RBMS3: variants seen among roughly 807,000 people sequenced by gnomAD.
RBMS3 encodes the protein RNA-binding motif, single-stranded-interacting protein 3.
In RBMS3, 27 loss-of-function variants were observed where a neutral mutation model predicts 66.8. That is an observed-to-expected ratio of 0.40 (90% confidence interval 0.30 to 0.56). RBMS3 has a LOEUF of 0.56. RBMS3 is among the 20% of genes least tolerant of loss of function. The pLI is 0.40. For synonymous variants in RBMS3, 188 were observed against 183.0 expected, an observed-to-expected ratio of 1.03 and a Z score of -0.22; for missense variants, 513 against 549.5, an observed-to-expected ratio of 0.93 and a Z score of 0.66.
rs114590021 is a variant in RBMS3 at position 29,471,908 on chromosome 3, C to T, written c.249-16533C>T. 6.9e-3 allele frequency among the ~76,000 whole-genome samples: 1,047 copies of T among 151,998 alleles called. 13 individuals carry two copies. The highest frequency in any genetic ancestry group is 0.024 in the African/African-American group (1,001 of 41,458). On this transcript the variant is annotated intron_variant, in intron 2 of 14. Coordinates refer to ENST00000383767, the MANE Select transcript of RBMS3 (RefSeq NM_001003793.3). ...TCTAAATTTAAAAAGATTTTAGGAA[C>T]TTTAAACATAACAGTTAAATTTCCT...
intron 3 of RBMS3, among the ~76,000 whole-genome samples, chr3:29,508,332 C>T (rs2044265638): frequency 6.6e-6 from 1 of 152,116 alleles, no homozygotes; most frequent in South Asian, 2.1e-4. Context: ...GGTATTTCTC[C>T]TAATGCTATA....
intron 6 of RBMS3, among the ~76,000 whole-genome samples, chr3:29,861,670 A>T (rs907050025): frequency 1.3e-5 from 2 of 152,200 alleles, no homozygotes; most frequent in African/African-American, 4.8e-5. Flanking sequence ...TGATAAGCAA[A>T]ATCTTTGTCA....
chr3:29,755,570 G>A (rs1256329104), intron 5 of RBMS3, among the ~76,000 whole-genome samples: 1 of 152,208 alleles, frequency 6.6e-6, no homozygotes, highest in Non-Finnish European at 1.5e-5. Context: ...AGGAGCAACA[G>A]AGGGAAACGT....
At chr3:29,968,815 T>G (rs1354181100) in intron 12 of RBMS3, among the ~76,000 whole-genome samples, 1 of 152,222 alleles carries the variant, frequency 6.6e-6, no homozygotes, top group African/African-American at 2.4e-5. Context: ...AGTGCAAGCC[T>G]CCGCATGCTG....
intron 3 of RBMS3, among the ~76,000 whole-genome samples, chr3:29,535,745 GGTAAATAGCA>G (rs2045533274): frequency 3.8e-5 from 1 of 26,494 alleles, no homozygotes; most frequent in East Asian, 1.2e-3. Context: ...TTTTTTTGCT[GGTAAATAGCA>G]GTTAAATTGC....
At chr3:29,482,939 C>T (rs1436451641) in intron 2 of RBMS3, among the ~76,000 whole-genome samples, 3 of 151,590 alleles carry the variant, frequency 2.0e-5, no homozygotes, top group Non-Finnish European at 2.9e-5. Flanking sequence ...AACTCCTAAC[C>T]TCGTGATCTA....
intron 14 of RBMS3, among the ~76,000 whole-genome samples, chr3:29,994,856 C>A (rs574985669): frequency 9.2e-5 from 14 of 151,896 alleles, no homozygotes; most frequent in South Asian, 6.3e-4. Flanking sequence ...AACTCTAAAA[C>A]GCAGAGTGCC....
intron 6 of RBMS3, among the ~76,000 whole-genome samples, chr3:29,846,895 G>GT (rs1421713571): frequency 1.3e-5 from 2 of 152,036 alleles, no homozygotes; most frequent in African/African-American, 4.8e-5. Context: ...TATGTTGTGG[G>GT]TTTTTTTCTT....
At chr3:29,352,059 A>G (rs1236372536) in intron 1 of RBMS3, among the ~76,000 whole-genome samples, 1 of 151,932 alleles carries the variant, frequency 6.6e-6, no homozygotes, top group East Asian at 1.9e-4. Context: ...TTTTGGTTAT[A>G]TTTCTGAATT....
At chr3:29,936,664 T>A (rs2061272616) in intron 11 of RBMS3, among the ~76,000 whole-genome samples, 1 of 152,038 alleles carries the variant, frequency 6.6e-6, no homozygotes, top group Non-Finnish European at 1.5e-5. Flanking sequence ...GTTCTTTTAA[T>A]CCTTCTTTCT....
intron 3 of RBMS3, among the ~76,000 whole-genome samples, chr3:29,562,706 G>C (rs1340866364): frequency 8.5e-5 from 13 of 152,080 alleles, no homozygotes; most frequent in Non-Finnish European, 1.6e-4. Context: ...GGATCTGCCG[G>C]TATCACCTTT....
intron 1 of RBMS3, among the ~76,000 whole-genome samples, chr3:29,371,532 C>T (rs535483391): frequency 6.6e-6 from 1 of 152,130 alleles, no homozygotes; most frequent in Non-Finnish European, 1.5e-5. Flanking sequence ...GGACACCATG[C>T]ACCAATAACC....
Position 29,544,389 on chromosome 3 carries a change from G to GT in RBMS3, c.308-42716dup, listed in dbSNP as rs540506335. On this transcript the variant is annotated intron_variant, in intron 3 of 14. Transcript: ENST00000383767. ...CCTTCTTGAGAAGTCTTACAAATTTGTTTTTTTTTAGGAGATGTCAACCCA... is the reference window on the plus strand; with the variant it reads ...CCTTCTTGAGAAGTCTTACAAATTTGTTTTTTTTTTAGGAGATGTCAACCCA... Among the ~76,000 whole-genome samples, 769 of 86,024 alleles carry GT rather than the reference G, an allele frequency of 8.9e-3. 3 individuals carry two copies. Among genetic ancestry groups the GT allele is most frequent in the African/African-American group, 0.078 (726 of 9,274 alleles). The allele number at this position is 86,024 out of a possible 152,430, so 56.4% of individuals were successfully genotyped here. A position where few individuals can be genotyped will look rare whatever the true frequency, so the allele number is the denominator to read the frequency against.
intron 4 of RBMS3, among the ~76,000 whole-genome samples, chr3:29,657,622 T>G (rs1391721884): frequency 1.3e-5 from 2 of 152,186 alleles, no homozygotes; most frequent in African/African-American, 4.8e-5. Flanking sequence ...TCTGAGACTC[T>G]CAAGGGAGGG....
At chr3:29,836,071 A>G (rs1273259608) in intron 6 of RBMS3, among the ~76,000 whole-genome samples, 1 of 152,038 alleles carries the variant, frequency 6.6e-6, no homozygotes, top group Non-Finnish European at 1.5e-5. Flanking sequence ...TCATGATGAA[A>G]CAGAAAATCT....
intron 2 of RBMS3, among the ~76,000 whole-genome samples, chr3:29,485,119 C>T (rs1045758459): frequency 3.3e-5 from 5 of 152,064 alleles, no homozygotes; most frequent in African/African-American, 7.2e-5. Flanking sequence ...TAAAAGATGC[C>T]ATTAGTTTAA....
At position 29,945,040 on chromosome 3, in the gene RBMS3, A is replaced by G. The variant is rs555363695; in HGVS notation, c.1098+786A>G. On this transcript the variant is annotated intron_variant, in intron 12 of 14. Transcript: ENST00000383767. Reference sequence around the variant, plus strand: ...ATTTTGATTTATTGCAAAGAGAAAAATGGGCACAATTTTTTATTTCAGTTA... The same window carrying G: ...ATTTTGATTTATTGCAAAGAGAAAAGTGGGCACAATTTTTTATTTCAGTTA... Among the ~76,000 whole-genome samples the G allele has an allele frequency of 1.6e-4, 25 of 151,852 alleles. No individual in the cohort carries two copies. The East Asian group carries it at 4.9e-3, about 30-fold the overall frequency.
chr3:29,868,550 G>A (rs1448809715), intron 6 of RBMS3, among the ~76,000 whole-genome samples: 5 of 152,106 alleles, frequency 3.3e-5, no homozygotes, highest in African/African-American at 7.2e-5. Context: ...TTATGAACAC[G>A]TTTCTGACAT....
chr3:29,748,122 A>G (rs1438587339), intron 5 of RBMS3, among the ~76,000 whole-genome samples: 1 of 152,212 alleles, frequency 6.6e-6, no homozygotes, highest in Non-Finnish European at 1.5e-5. Flanking sequence ...CAGAGGGAAC[A>G]TTGAAACTAA....
Sources: gnomAD v4.1 joint callset for allele counts (sites outside exome capture counted in the v4.1 genomes callset) on GRCh38, gnomAD v4.1.1 for gene constraint, MANE v1.5 for transcripts, NCBI Gene and HGNC (gene_info 2026-07-23, HGNC 2026-07-21) for gene names.